The following MED13 variants were observed in gnomAD, a reference collection of about 807,000 sequenced individuals.
MED13 encodes the protein mediator of RNA polymerase II transcription subunit 13.
A neutral mutation model predicts 225.2 loss-of-function variants in MED13; 23 were observed. The observed-to-expected ratio is 0.10, with a 90% CI of 0.07 to 0.14. The LOEUF (loss-of-function observed/expected upper bound fraction) is 0.14, where lower values mean the gene tolerates loss of function less well. Among genes scored for constraint, MED13 ranks in the 10% least tolerant of loss-of-function variants. MED13 has a pLI of 1.00. For synonymous variants in MED13, 942 were observed against 889.2 expected, an observed-to-expected ratio of 1.06 and a Z score of -1.06; for missense variants, 2,197 against 2,594.5, an observed-to-expected ratio of 0.85 and a Z score of 3.33.
At chr17:62,057,390 T>C (rs969373312) in intron 2 of MED13, among the ~76,000 whole-genome samples, 1 of 152,108 alleles carries the variant, frequency 6.6e-6, no homozygotes, top group African/African-American at 2.4e-5. Context: ...CTTGAAAACT[T>C]AGAAGATACA....
chr17:62,050,350 C>T (rs1457717203), intron 3 of MED13, among the ~76,000 whole-genome samples: 1 of 147,236 alleles, frequency 6.8e-6, no homozygotes, highest in Non-Finnish European at 1.5e-5. Flanking sequence ...AAGAGTGAAA[C>T]TCCGTATCAG....
chr17:61,970,592 G>C (rs1052317347), intron 17 of MED13, among the ~76,000 whole-genome samples: 4 of 139,414 alleles, frequency 2.9e-5, no homozygotes, highest in African/African-American at 1.1e-4. Flanking sequence ...TGATGCATGA[G>C]AACTGCTTGA....
rs770110457 is a variant in MED13 at position 62,031,544 on chromosome 17, A to T, written c.909T>A (p.Ser303=). 1 of 1,614,024 alleles carries T rather than the reference A, an allele frequency of 6.2e-7. No homozygotes were observed. The change falls in exon 6 of 30, where the codon TCT becomes TCA. Residue 303 remains serine (S), a synonymous_variant. Coordinates refer to ENST00000397786, the MANE Select transcript of MED13 (RefSeq NM_005121.3). ...GCACTTGGTGGACACCCAAGCAAGAAGATGAACAGTGAGTGGATCCCACAG... is the reference window on the plus strand; with the variant it reads ...GCACTTGGTGGACACCCAAGCAAGATGATGAACAGTGAGTGGATCCCACAG... ...PSPVGSTHCS[S]SCLGVHQVPA...
chr17:62,048,043 C>CATATATATAT (rs397803988), intron 3 of MED13, among the ~76,000 whole-genome samples: 62 of 131,082 alleles, frequency 4.7e-4, no homozygotes, highest in African/African-American at 1.4e-3. Context: ...TATACATATA[C>CATATATATAT]ATATATATAT....
Position 61,972,737 on chromosome 17 carries a change from T to A in MED13, c.3957A>T (p.Arg1319=), listed in dbSNP as rs1244482678. The stretch of plus-strand genomic sequence containing the variant: ...CTATAAATTACTTACCATAAGAGCC[T>A]CGGCCAGCCATTTTATGAAATTGTT... ...TWQQFHKMAG[R]GSYGTDESPE... is the part of the protein sequence containing the mutation. The change falls in exon 17 of 30, where the codon CGA becomes CGT. Residue 1319 remains arginine (R), a synonymous_variant. Transcript: ENST00000397786. 6.2e-7 allele frequency: 1 copy of A among 1,610,734 alleles called. No individual in the cohort carries two copies. The highest frequency in any genetic ancestry group is 8.5e-7 in the Non-Finnish European group (1 of 1,179,118).
rs1185380654 is a variant in MED13, at chr17:61,942,655, TG to T, written c.*3812del. On this transcript the variant is annotated 3_prime_UTR_variant, in exon 30 of 30. Transcript: ENST00000397786. ...CATTTGAAGTTTTGTTTTTTGTTTT[TG>T]TTTTTTTTTTTTTAAAAAGTATAAA... 6.6e-6 allele frequency: 1 copy of T among 151,912 alleles called. No homozygotes were observed. Among genetic ancestry groups the T allele is most frequent in the Non-Finnish European group, 1.5e-5 (1 of 67,866 alleles). The allele number at this position is 151,912 out of a possible 1,614,324, so 9.4% of individuals were successfully genotyped here. A position where few individuals can be genotyped will look rare whatever the true frequency, so the allele number is the denominator to read the frequency against.
intron 11 of MED13, among the ~76,000 whole-genome samples, chr17:61,991,736 T>C (rs2080300952): frequency 6.6e-6 from 1 of 151,998 alleles, no homozygotes; most frequent in South Asian, 2.1e-4. Flanking sequence ...TCTCAATCTC[T>C]TGACCTCGTG....
rs754461981 is a variant in MED13 at position 62,065,186 on chromosome 17, G to T, written c.20C>A (p.Pro7Gln). MSASFV[P>Q]NGASLEDCHC... is the part of the protein sequence containing the mutation. ...ACAATCTTCCAGGCTGGCCCCGTTCGGCACGAAGGAGGCACTCATCGTCCC... is the reference window on the plus strand; with the variant it reads ...ACAATCTTCCAGGCTGGCCCCGTTCTGCACGAAGGAGGCACTCATCGTCCC... Residue 7 changes from proline to glutamine, a missense_variant, in exon 1 of 30, where the codon CCG (proline) becomes CAG (glutamine). Around this residue, in one of 12 missense-constraint regions of MED13, gnomAD observed 884 missense variants for 918.5 expected, o/e 0.96. Transcript: ENST00000397786. The T allele has an allele frequency of 2.6e-5, 41 of 1,580,722 alleles. No individual in the cohort carries two copies. The highest frequency in any genetic ancestry group is 3.3e-5 in the Non-Finnish European group (39 of 1,165,178).
chr17:61,976,608 T>A (rs1038481021), intron 16 of MED13, among the ~76,000 whole-genome samples: 1 of 152,172 alleles, frequency 6.6e-6, no homozygotes, highest in Non-Finnish European at 1.5e-5. Flanking sequence ...GCTTTGTCTA[T>A]CTTCAACAAA....
At chr17:61,979,027 G>A (rs1423292527) in intron 16 of MED13, among the ~76,000 whole-genome samples, 1 of 151,942 alleles carries the variant, frequency 6.6e-6, no homozygotes, top group Non-Finnish European at 1.5e-5. Flanking sequence ...GGTCATTTTT[G>A]GACACATGTG....
chr17:62,025,391 G>T (rs566907803), intron 8 of MED13, among the ~76,000 whole-genome samples: 1 of 152,122 alleles, frequency 6.6e-6, no homozygotes, highest in South Asian at 2.1e-4. Context: ...CAGTTGGCTG[G>T]GCATGGTGGC....
chr17:62,033,284 G>C (rs1455541967), intron 5 of MED13, among the ~76,000 whole-genome samples: 8 of 152,180 alleles, frequency 5.3e-5, no homozygotes, highest in South Asian at 2.1e-4. Flanking sequence ...GGAAGTGGTA[G>C]TTTTACCAAA....
intron 28 of MED13, among the ~76,000 whole-genome samples, chr17:61,947,311 G>A (rs2079859112): frequency 1.3e-5 from 2 of 151,384 alleles, no homozygotes; most frequent in South Asian, 2.1e-4. Context: ...GGGATTACAC[G>A]CATGAGCCAC....
In MED13 at chr17:62,011,365, A is replaced by G. The variant is rs1452318062; in HGVS notation, c.1284-132T>C. ...GTAATACTAAAAGTAAAATAATTTGAATTTGAAAGGGGAAAAAAATACTTT... is the reference window on the plus strand; with the variant it reads ...GTAATACTAAAAGTAAAATAATTTGGATTTGAAAGGGGAAAAAAATACTTT... On this transcript the variant is annotated intron_variant, in intron 8 of 29. Transcript: ENST00000397786. 9 of 824,074 alleles carry G rather than the reference A, an allele frequency of 1.1e-5. No homozygotes were observed. In the African/African-American group the frequency reaches 1.2e-4, roughly 11 times the overall value. 51.0% of individuals were successfully genotyped at this position (824,074 alleles called of 1,614,324 possible).
chr17:61,976,792 G>C (rs2080160349), intron 16 of MED13, among the ~76,000 whole-genome samples: 1 of 152,056 alleles, frequency 6.6e-6, no homozygotes, highest in Non-Finnish European at 1.5e-5. Context: ...AATTAGCTGG[G>C]CATGTGGCGG....
intron 2 of MED13, among the ~76,000 whole-genome samples, chr17:62,062,098 A>G (rs973974953): frequency 6.6e-6 from 1 of 152,234 alleles, no homozygotes; most frequent in Non-Finnish European, 1.5e-5. Context: ...CAGAGATACA[A>G]TAACAAAAAC....
At position 62,011,195 on chromosome 17, in the gene MED13, C is replaced by T. The variant is rs769898597; in HGVS notation, c.1322G>A (p.Gly441Glu). Residue 441 changes from glycine to glutamate, a missense_variant, in exon 9 of 30, where the codon GGA (glycine) becomes GAA (glutamate). Physicochemically the swap from Gly to Glu is moderately conservative, Grantham distance 98. Around this residue, in one of 12 missense-constraint regions of MED13, gnomAD observed 884 missense variants for 918.5 expected, o/e 0.96. Transcript: ENST00000397786. Reference protein sequence around the residue: ...NLKSRNAGQQGQAPSLGQQQQ... With the variant: ...NLKSRNAGQQEQAPSLGQQQQ... ...TTGCTGACCTAAAGATGGTGCCTGT[C>T]CTTGTTGTCCAGCATTTCTTGACTT... 3 of 1,612,024 alleles carry T rather than the reference C, an allele frequency of 1.9e-6. No homozygotes were observed. The Admixed American group carries it at 5.0e-5, about 27-fold the overall frequency.
rs533568286 is a variant in MED13, at chr17:61,990,612, C to T, written c.2263+1928G>A. ...CACTATATATATATATACACACACA[C>T]ACTTGGCGCACTGTGTATATATATA... is the stretch of plus-strand genomic sequence containing the variant. On this transcript the variant is annotated intron_variant, in intron 11 of 29. Coordinates refer to ENST00000397786, the MANE Select transcript of MED13 (RefSeq NM_005121.3). Among the ~76,000 whole-genome samples, 528 of 134,098 alleles carry T rather than the reference C, an allele frequency of 3.9e-3. 2 individuals carry two copies. Among genetic ancestry groups the T allele is most frequent in the African/African-American group, 0.015 (478 of 32,470 alleles). 88.0% of individuals were successfully genotyped at this position (134,098 alleles called of 152,430 possible).
At chr17:62,012,558 G>C (rs1439222712) in intron 8 of MED13, among the ~76,000 whole-genome samples, 1 of 151,802 alleles carries the variant, frequency 6.6e-6, no homozygotes, top group Non-Finnish European at 1.5e-5. Context: ...CTGAACTCCC[G>C]ACCTCAGGAG....
Sources: allele counts gnomAD v4.1 joint callset (sites outside exome capture counted in the v4.1 genomes callset), GRCh38; gene constraint gnomAD v4.1.1; regional missense constraint gnomAD v4.1.1; transcripts MANE v1.5; gene names NCBI Gene and HGNC (gene_info 2026-07-23, HGNC 2026-07-21).